Variants in CIT observed in about 807,000 individuals in gnomAD.
CIT encodes citron rho-interacting serine/threonine kinase.
Under a neutral mutation model 272.7 loss-of-function variants are expected in CIT, and 79 were observed. The ratio of observed to expected loss-of-function variants is 0.29; its 90% confidence interval spans 0.24 to 0.35. The LOEUF (loss-of-function observed/expected upper bound fraction) is 0.35. Ranked by LOEUF, CIT falls within the 10% of genes least tolerant of loss-of-function variation. The probability of loss-of-function intolerance (pLI) is 1.00; values close to 1 mark genes in which losing one functional copy is unlikely to be tolerated. For missense variants in CIT, 1,909 were observed against 2,618.3 expected, an observed-to-expected ratio of 0.73 and a Z score of 5.91; for synonymous variants, 948 against 995.6, an observed-to-expected ratio of 0.95 and a Z score of 0.90.
At chr12:119,696,291 T>C (rs1281843754) in intron 46 of CIT, among the ~76,000 whole-genome samples, 1 of 152,182 alleles carries the variant, frequency 6.6e-6, no homozygotes, top group African/African-American at 2.4e-5. Flanking sequence ...TTTTGGAACA[T>C]GCTTGTTCAA....
chr12:119,815,307 G>A (rs1368108262), intron 9 of CIT, among the ~76,000 whole-genome samples: 2 of 151,520 alleles, frequency 1.3e-5, no homozygotes, highest in African/African-American at 4.8e-5. Flanking sequence ...CAATGGCTGA[G>A]TGGCAGATTC....
rs532225629 is a variant in CIT at position 119,748,509 on chromosome 12, A to G, written c.2904+3541T>C. On this transcript the variant is annotated intron_variant, in intron 23 of 47. Transcript: ENST00000392521. ...GGCTTCTGTGCACCCACCCCCTTTC[A>G]GGGTGAAGGCAGGCACCAGGCAAGA... Among the ~76,000 whole-genome samples the G allele has an allele frequency of 1.7e-3, 261 of 152,336 alleles. 1 individual carries two copies. Among genetic ancestry groups the G allele is most frequent in the African/African-American group, 5.9e-3 (245 of 41,586 alleles).
At chr12:119,720,745 CA>C (rs1957780860) in intron 29 of CIT, among the ~76,000 whole-genome samples, 160 bp from the exon 30 acceptor site, 1 of 151,864 alleles carries the variant, frequency 6.6e-6, no homozygotes, top group South Asian at 2.1e-4. Context: ...AGTTTTACTG[CA>C]AAAGAGAAAA....
At chr12:119,717,838 C>CATTTTTTTTTTTTTTTTTTTTTTTTTT (rs1957598855) in intron 32 of CIT, among the ~76,000 whole-genome samples, 1 of 81,332 alleles carries the variant, frequency 1.2e-5, no homozygotes, top group Non-Finnish European at 2.3e-5. Flanking sequence ...TGACTTCTTT[C>CATTTTTTTTTTTTTTTTTTTTTTTTTT]TTTTTTTTTT....
chr12:119,824,803 G>GTTTTGT (rs1968031537), intron 8 of CIT, among the ~76,000 whole-genome samples: 1 of 151,946 alleles, frequency 6.6e-6, no homozygotes, highest in African/African-American at 2.4e-5. Context: ...GTTTTGTTTT[G>GTTTTGT]TTTTGTTTTT....
chr12:119,747,447 G>A (rs368890162), intron 23 of CIT, among the ~76,000 whole-genome samples: 3 of 150,090 alleles, frequency 2.0e-5, no homozygotes, highest in Non-Finnish European at 4.4e-5. Context: ...TAGGCCTGGC[G>A]CAGTGGCTCA....
rs771409217 is a variant in CIT, at chr12:119,869,175, C to T, written c.123G>A (p.Gln41=). Residue 41 remains glutamine, a synonymous_variant, in exon 3 of 48, where the codon CAG becomes CAA. Transcript: ENST00000392521. ...CTTCTCGGGAAAGAGGAGACATCTG[C>T]TGTTGAGTCATAAAGGGTGGTTTCC... ...FQGKPPFMTQ[Q]QMSPLSREGI... The T allele has an allele frequency of 6.2e-7, 1 of 1,609,140 alleles. No individual in the cohort carries two copies. Among genetic ancestry groups the T allele is most frequent in the Non-Finnish European group, 8.5e-7 (1 of 1,178,972 alleles).
chr12:119,710,762 C>T lies in CIT; in HGVS notation c.4855-142G>A. 1 of 807,404 alleles carries T rather than the reference C, an allele frequency of 1.2e-6. No individual in the cohort carries two copies. The highest frequency in any genetic ancestry group is 2.0e-6 in the Non-Finnish European group (1 of 498,582). 50.0% of individuals were successfully genotyped at this position (807,404 alleles called of 1,614,324 possible). A position where few individuals can be genotyped will look rare whatever the true frequency, so the allele number is the denominator to read the frequency against. ...CAGAAACGCACATATGCTCTTAGCT[C>T]AGCCCGTATTTTGATCTGAGCTCCA... On this transcript the variant is annotated intron_variant, in intron 37 of 47. Coordinates refer to ENST00000392521, the MANE Select transcript of CIT (RefSeq NM_001206999.2). The surrounding 1 kb of genome is among the most constrained non-coding windows in gnomAD (Gnocchi z 5.6).
Position 119,735,201 on chromosome 12 carries a change from C to T in CIT, c.3115G>A (p.Glu1039Lys). The T allele has an allele frequency of 6.2e-7, 1 of 1,614,176 alleles. No homozygotes were observed. The highest frequency in any genetic ancestry group is 8.5e-7 in the Non-Finnish European group (1 of 1,180,044). The change falls in exon 25 of 48, where the codon GAG becomes AAG. Residue 1039 changes from glutamate to lysine, a missense_variant. Glu to Lys is a moderately conservative substitution (Grantham distance 56). Around this residue, in one of 8 missense-constraint regions of CIT, gnomAD observed 530 missense variants for 822.4 expected, o/e 0.64. Transcript: ENST00000392521. Reference sequence around the variant, plus strand: ...AGCTGCATCTCTCGTTCCGTGATCTCCCGGCGGAGATGGTCCACTTCACTT... The same window carrying T: ...AGCTGCATCTCTCGTTCCGTGATCTTCCGGCGGAGATGGTCCACTTCACTT... ...LRSEVDHLRREITEREMQLTS... is the reference protein window; with the variant it reads ...LRSEVDHLRRKITEREMQLTS...
Position 119,838,752 on chromosome 12 carries a change from C to T in CIT, c.517-4524G>A, listed in dbSNP as rs556723363. Among the ~76,000 whole-genome samples, 10 of 152,266 alleles carry T rather than the reference C, an allele frequency of 6.6e-5. No individual in the cohort carries two copies. In the South Asian group the frequency reaches 1.0e-3, roughly 16 times the overall value. On this transcript the variant is annotated intron_variant, in intron 5 of 47. Transcript: ENST00000392521. Reference sequence around the variant, plus strand: ...CTGCATATCAAGACAAGATCACTGACGACAAAGGGCTGGAAAATAACCAGT... The same window carrying T: ...CTGCATATCAAGACAAGATCACTGATGACAAAGGGCTGGAAAATAACCAGT...
intron 40 of CIT, among the ~76,000 whole-genome samples, chr12:119,705,296 C>CT (rs1490437267): frequency 6.6e-6 from 1 of 152,164 alleles, no homozygotes; most frequent in African/African-American, 2.4e-5. Context: ...TCAAAACGCT[C>CT]TTTTTCTAGA....
chr12:119,875,682 C>T (rs1054610558), intron 2 of CIT, among the ~76,000 whole-genome samples: 5 of 152,044 alleles, frequency 3.3e-5, no homozygotes, highest in Non-Finnish European at 7.4e-5. Context: ...AAATATTATC[C>T]CTGGTCCTAT....
In CIT at chr12:119,728,865, G is replaced by A. The variant is rs2137203566; in HGVS notation, c.3487-259C>T. ...AGTTCTAGGAGGATAACTGCTCAAG[G>A]ACTTATTTATCTGACATGCTTTGGC... is the stretch of plus-strand genomic sequence containing the variant. On this transcript the variant is annotated intron_variant, in intron 27 of 47. Transcript: ENST00000392521. The surrounding 1 kb of genome is among the most constrained non-coding windows in gnomAD (Gnocchi z 4.3). Among the ~76,000 whole-genome samples the A allele has an allele frequency of 6.6e-6, 1 of 152,276 alleles. No individual in the cohort carries two copies. Among genetic ancestry groups the A allele is most frequent in the African/African-American group, 2.4e-5 (1 of 41,574 alleles).
chr12:119,806,276 A>G (rs1040437741), intron 9 of CIT, among the ~76,000 whole-genome samples: 3 of 152,124 alleles, frequency 2.0e-5, no homozygotes, highest in Non-Finnish European at 4.4e-5. Flanking sequence ...GTACAACAGG[A>G]AAGTTTGAAA....
chr12:119,705,744 C>A (rs111427433), intron 40 of CIT, among the ~76,000 whole-genome samples: 14,578 of 128,258 alleles, frequency 0.11, 2,207 homozygotes, highest in African/African-American at 0.36. Flanking sequence ...TGCATTCCAG[C>A]CTGGGTGACA....
intron 5 of CIT, among the ~76,000 whole-genome samples, chr12:119,845,983 C>CACACAG (rs3223343): frequency 1.3e-5 from 2 of 150,662 alleles, no homozygotes; most frequent in African/African-American, 4.9e-5. Flanking sequence ...CACACACACA[C>CACACAG]AGAAAAAGGA....
At position 119,768,774 on chromosome 12, in the gene CIT, C is replaced by T. The variant is rs1406863220; in HGVS notation, c.2209-1592G>A. Among the ~76,000 whole-genome samples the T allele has an allele frequency of 1.3e-5, 2 of 152,210 alleles. No individual in the cohort carries two copies. On this transcript the variant is annotated intron_variant, in intron 18 of 47. Transcript: ENST00000392521. This position sits in a 1 kb window ranked among gnomAD's most constrained non-coding sequence, Gnocchi z 4.3. ...TAACTTCTTTTACTAAGGCCAAGGA[C>T]TCTACTGTACTGACTGTACCATTAT...
At chr12:119,734,425 G>A (rs776057350) in intron 25 of CIT, 68 bp from the exon 26 acceptor site, 45 of 1,535,874 alleles carry the variant, frequency 2.9e-5, no homozygotes, top group African/African-American at 4.1e-5. Context: ...TACTTTGGTC[G>A]GGTCAGTTTC....
intron 29 of CIT, 66 bp from the exon 30 acceptor site, chr12:119,720,651 T>A: frequency 8.3e-7 from 1 of 1,198,162 alleles, no homozygotes; most frequent in Non-Finnish European, 1.2e-6. Flanking sequence ...GTTGGTACTT[T>A]AAGAAACTAA....
Sources: gnomAD v4.1 joint callset for allele counts (sites outside exome capture counted in the v4.1 genomes callset) on GRCh38, gnomAD v4.1.1 for gene constraint, gnomAD v4.1.1 regional missense constraint, Gnocchi (gnomAD v3.1) non-coding constraint, MANE v1.5 for transcripts, NCBI Gene and HGNC (gene_info 2026-07-23, HGNC 2026-07-21) for gene names.